Variants in SGCZ observed in about 807,000 individuals in gnomAD.
SGCZ encodes the protein sarcoglycan zeta.
Under a neutral mutation model 41.3 loss-of-function variants are expected in SGCZ, and 40 were observed. The observed-to-expected ratio is 0.97, with a 90% CI of 0.75 to 1.26. The LOEUF (loss-of-function observed/expected upper bound fraction) is 1.26, where lower values mean the gene tolerates loss of function less well. Among genes scored for constraint, SGCZ ranks in the 50% most tolerant of loss-of-function variants. The pLI, the probability that SGCZ is intolerant of heterozygous loss-of-function variation, is 0.00. For synonymous variants in SGCZ, 206 were observed against 137.5 expected, an observed-to-expected ratio of 1.50 and a Z score of -3.49; for missense variants, 552 against 369.8, an observed-to-expected ratio of 1.49 and a Z score of -4.04.
At chr8:14,360,063 C>T (rs1246591627) in intron 2 of SGCZ, among the ~76,000 whole-genome samples, 2 of 152,050 alleles carry the variant, frequency 1.3e-5, no homozygotes, top group Non-Finnish European at 2.9e-5. Context: ...ATTCAAGATA[C>T]TTTCTTGACA....
intron 1 of SGCZ, among the ~76,000 whole-genome samples, chr8:14,626,344 C>G (rs1015732533): frequency 6.6e-6 from 1 of 152,028 alleles, no homozygotes; most frequent in Non-Finnish European, 1.5e-5. Flanking sequence ...TGTGTTGTTC[C>G]CCTCCCTGTA....
At chr8:14,693,543 C>G (rs1387607103) in intron 1 of SGCZ, among the ~76,000 whole-genome samples, 1 of 145,946 alleles carries the variant, frequency 6.9e-6, no homozygotes, top group Non-Finnish European at 1.5e-5. Flanking sequence ...CTCGGCCTCC[C>G]AAAGTACTGG....
chr8:14,733,169 TGCCCACCTTCCCTAAC>T (rs1405867756), intron 1 of SGCZ, among the ~76,000 whole-genome samples: 2 of 152,110 alleles, frequency 1.3e-5, no homozygotes, highest in Non-Finnish European at 2.9e-5. Context: ...TTTGAGCCAC[TGCCCACCTTCCCTAAC>T]TGCCCCAGGG....
chr8:14,235,760 C>A (rs965598738), intron 4 of SGCZ, among the ~76,000 whole-genome samples: 5 of 152,166 alleles, frequency 3.3e-5, no homozygotes, highest in Admixed American at 1.3e-4. Flanking sequence ...TCTCGGCTCA[C>A]TGCAACCTGC....
At chr8:14,948,135 G>A (rs527594247) in intron 1 of SGCZ, among the ~76,000 whole-genome samples, 1 of 152,232 alleles carries the variant, frequency 6.6e-6, no homozygotes, top group Non-Finnish European at 1.5e-5. Context: ...CAGAATGACA[G>A]TATTTATTCT....
At chr8:14,581,449 GTT>G (rs983159218) in intron 1 of SGCZ, among the ~76,000 whole-genome samples, 216 of 144,786 alleles carry the variant, frequency 1.5e-3, no homozygotes, top group African/African-American at 5.2e-3. Context: ...TTGTTTTTTT[GTT>G]TTTTTTTTTC....
At chr8:14,879,006 T>C (rs979294605) in intron 1 of SGCZ, 2 of 152,186 alleles carry the variant, frequency 1.3e-5, no homozygotes, top group Non-Finnish European at 2.9e-5. Flanking sequence ...GAAGTTACAG[T>C]ACTTCATGGC....
At position 14,309,314 on chromosome 8, in the gene SGCZ, G is replaced by A. The variant is rs556340788; in HGVS notation, c.336+14789C>T. On this transcript the variant is annotated intron_variant, in intron 3 of 7. Transcript: ENST00000382080. ...CTACTCACTTTTTAAGGATGGTATT[G>A]AGACTATGTGGGAAGATGAGAAAAA... 27 of 1,594,188 alleles carry A rather than the reference G, an allele frequency of 1.7e-5. No homozygotes were observed. In the Middle Eastern group the frequency reaches 1.4e-3, roughly 80 times the overall value.
Position 15,094,360 on chromosome 8 carries a change from C to T in SGCZ, c.39+143225G>A, listed in dbSNP as rs555377640. Among the ~76,000 whole-genome samples the T allele has an allele frequency of 4.6e-5, 7 of 152,238 alleles. No individual in the cohort carries two copies. In the South Asian group the frequency reaches 1.2e-3, roughly 27 times the overall value. ...ATGTTGGCCAGGCTGATCTCGGACT[C>T]CTGACCTCACGTGATCCACCTGCCT... is the stretch of plus-strand genomic sequence containing the variant. On this transcript the variant is annotated intron_variant, in intron 1 of 7. Coordinates refer to ENST00000382080, the MANE Select transcript of SGCZ (RefSeq NM_139167.4).
Position 14,905,784 on chromosome 8 carries a change from A to C in SGCZ, c.39+331801T>G, listed in dbSNP as rs543827545. Among the ~76,000 whole-genome samples, 5 of 152,082 alleles carry C rather than the reference A, an allele frequency of 3.3e-5. No individual in the cohort carries two copies. In the South Asian group the frequency reaches 1.0e-3, roughly 31 times the overall value. On this transcript the variant is annotated intron_variant, in intron 1 of 7. Transcript: ENST00000382080. ...TAGACAGACACTCAATTAAACATTG[A>C]ATGAGACAAAATAAGAAAAAAAAAA...
intron 1 of SGCZ, among the ~76,000 whole-genome samples, chr8:14,866,093 A>G (rs531969749): frequency 6.5e-4 from 99 of 152,254 alleles, no homozygotes; most frequent in African/African-American, 2.3e-3. Flanking sequence ...TGTAAAGCAG[A>G]AAAAGAATCT....
intron 1 of SGCZ, among the ~76,000 whole-genome samples, chr8:15,137,249 G>C (rs183120931): frequency 6.6e-6 from 1 of 152,112 alleles, no homozygotes; most frequent in African/African-American, 2.4e-5. Flanking sequence ...ATGATTTAGC[G>C]TATCTGGTGG....
chr8:14,437,197 G>A (rs574990542), intron 2 of SGCZ, among the ~76,000 whole-genome samples: 2 of 152,250 alleles, frequency 1.3e-5, no homozygotes, highest in African/African-American at 4.8e-5. Context: ...ACAAAATCAT[G>A]ATTATGCAAT....
chr8:15,036,137 G>A (rs1803865306), intron 1 of SGCZ, among the ~76,000 whole-genome samples: 1 of 151,924 alleles, frequency 6.6e-6, no homozygotes, highest in Non-Finnish European at 1.5e-5. Flanking sequence ...AGTTAGAAAT[G>A]AAAAAGGAGA....
At chr8:14,135,591 A>G (rs56111546) in intron 5 of SGCZ, among the ~76,000 whole-genome samples, 1,604 of 152,344 alleles carry the variant, frequency 0.011, 29 homozygotes, top group African/African-American at 0.036. Flanking sequence ...GCAAACTATT[A>G]AAACTCAATC....
At chr8:14,898,724 G>A (rs992170442) in intron 1 of SGCZ, among the ~76,000 whole-genome samples, 1 of 152,138 alleles carries the variant, frequency 6.6e-6, no homozygotes, top group Non-Finnish European at 1.5e-5. Flanking sequence ...GTTTGAAAGA[G>A]CAAGCAAAGG....
At chr8:14,892,027 G>C (rs181446870) in intron 1 of SGCZ, among the ~76,000 whole-genome samples, 150 of 152,314 alleles carry the variant, frequency 9.8e-4, no homozygotes, top group African/African-American at 3.6e-3. Context: ...ACAAATTCGG[G>C]TGACTTGCTT....
chr8:14,637,268 T>C lies in SGCZ; in HGVS notation c.40-82342A>G, dbSNP rs551555693. On this transcript the variant is annotated intron_variant, in intron 1 of 7. Transcript: ENST00000382080. ...ACTCTACCAGCACTTCAATTCATTA[T>C]GTTCTCTAAAACTGTCCTCTCCTTT... Among the ~76,000 whole-genome samples the C allele has an allele frequency of 2.5e-4, 38 of 151,892 alleles. No homozygotes were observed. The South Asian group carries it at 7.9e-3, about 31-fold the overall frequency.
rs1021274871 is a variant in SGCZ at position 14,087,171 on chromosome 8, C to T, written c.*3272G>A. Among the ~76,000 whole-genome samples the T allele has an allele frequency of 8.6e-5, 13 of 151,574 alleles. No individual in the cohort carries two copies. The highest frequency in any genetic ancestry group is 7.9e-4 in the Admixed American group (12 of 15,142). Reference sequence around the variant, plus strand: ...GTGCCAAATTATAAAACATATCATTCACAATAAAATATATATATTTTAGAC... The same window carrying T: ...GTGCCAAATTATAAAACATATCATTTACAATAAAATATATATATTTTAGAC... On this transcript the variant is annotated 3_prime_UTR_variant, in exon 8 of 8. Transcript: ENST00000382080.
Sources: allele counts gnomAD v4.1 joint callset (sites outside exome capture counted in the v4.1 genomes callset), GRCh38; gene constraint gnomAD v4.1.1; transcripts MANE v1.5; gene names NCBI Gene and HGNC (gene_info 2026-07-23, HGNC 2026-07-21).